Variants in STEAP1B observed in about 807,000 individuals in gnomAD.
The protein encoded by STEAP1B is STEAP family protein MGC87042.
In STEAP1B, 13 loss-of-function variants were observed where a neutral mutation model predicts 27.9. That is an observed-to-expected ratio of 0.47 (90% CI 0.30 to 0.74). The LOEUF (loss-of-function observed/expected upper bound fraction) is 0.74, where lower values mean the gene tolerates loss of function less well. STEAP1B is among the 30% of genes least tolerant of loss of function. The pLI, the probability that STEAP1B is intolerant of heterozygous loss-of-function variation, is 0.06. For synonymous variants in STEAP1B, 86 were observed against 107.1 expected (o/e 0.80, Z 1.22); for missense variants, 250 against 298.7 (o/e 0.84, Z 1.20).
At chr7:22,492,786 T>G (rs543812428) in intron 3 of STEAP1B, 57 bp from the exon 4 acceptor site, 2 of 1,547,738 alleles carry the variant, frequency 1.3e-6, no homozygotes, top group East Asian at 4.5e-5. Flanking sequence ...TTCCTGAATG[T>G]GAATCTCCTT....
At chr7:22,481,741 C>T (rs1388965811) in intron 4 of STEAP1B, among the ~76,000 whole-genome samples, 1 of 152,200 alleles carries the variant, frequency 6.6e-6, no homozygotes, top group Non-Finnish European at 1.5e-5. Context: ...ACTTAGAGGG[C>T]TATGCCATTG....
chr7:22,472,778 C>T (rs1352655216), intron 4 of STEAP1B, among the ~76,000 whole-genome samples: 1 of 152,144 alleles, frequency 6.6e-6, no homozygotes, highest in Non-Finnish European at 1.5e-5. Flanking sequence ...TCCCATCCTC[C>T]CCCTCCTTCC....
chr7:22,472,592 G>A (rs1051438890), intron 4 of STEAP1B, among the ~76,000 whole-genome samples: 1 of 152,124 alleles, frequency 6.6e-6, no homozygotes, highest in Non-Finnish European at 1.5e-5. Flanking sequence ...AAAATAAACC[G>A]TCCTTTCACA....
intron 4 of STEAP1B, among the ~76,000 whole-genome samples, chr7:22,485,700 C>T (rs2128415193): frequency 6.6e-6 from 1 of 152,300 alleles, no homozygotes; most frequent in East Asian, 1.9e-4. Flanking sequence ...AACAAACTAG[C>T]AATATGTCCA....
At chr7:22,451,544 G>T (rs1281698611) in intron 4 of STEAP1B, among the ~76,000 whole-genome samples, 1 of 152,090 alleles carries the variant, frequency 6.6e-6, no homozygotes, top group African/African-American at 2.4e-5. Context: ...CTGTCACGTG[G>T]CTTTTTTTAT....
intron 4 of STEAP1B, among the ~76,000 whole-genome samples, chr7:22,453,104 C>T (rs972738205): frequency 1.3e-5 from 2 of 152,176 alleles, no homozygotes; most frequent in African/African-American, 4.8e-5. Flanking sequence ...GTCAGGAAGA[C>T]ATTATTTTAA....
chr7:22,440,996 T>C (rs1001177897), intron 4 of STEAP1B, among the ~76,000 whole-genome samples: 4 of 150,428 alleles, frequency 2.7e-5, no homozygotes, highest in African/African-American at 7.3e-5. Flanking sequence ...ATTTAAATTG[T>C]ATATTTTAAT....
At chr7:22,494,180 A>C (rs1213037553) in intron 2 of STEAP1B, among the ~76,000 whole-genome samples, 5 of 148,024 alleles carry the variant, frequency 3.4e-5, no homozygotes, top group Non-Finnish European at 4.5e-5. Context: ...AATTTCTGCT[A>C]AAACTTCCAT....
rs754200180 is a variant in STEAP1B at position 22,493,434 on chromosome 7, G to T, written c.487C>A (p.Gln163Lys). 1.2e-5 allele frequency: 20 copies of T among 1,613,596 alleles called. No homozygotes were observed. In the East Asian group the frequency reaches 4.5e-4, roughly 36 times the overall value. ...WLDKWMLTRK[Q>K]FGLLSLFFAV... Reference sequence around the variant, plus strand: ...AAAAACAAACTGAGAAGCCCAAACTGCTTTCTTGTTAACATCCACTTATCC... The same window carrying T: ...AAAAACAAACTGAGAAGCCCAAACTTCTTTCTTGTTAACATCCACTTATCC... Residue 163 changes from glutamine to lysine, a missense_variant, in exon 3 of 5, where the codon CAG (glutamine) becomes AAG (lysine). Transcript: ENST00000678116.
intron 4 of STEAP1B, among the ~76,000 whole-genome samples, chr7:22,442,952 C>T (rs2128402473): frequency 6.6e-6 from 1 of 152,274 alleles, no homozygotes; most frequent in South Asian, 2.1e-4. Context: ...CCCCTACCCC[C>T]TTCCCTGGCA....
chr7:22,424,614 AT>A (rs1785083537), intron 4 of STEAP1B, among the ~76,000 whole-genome samples: 1 of 152,202 alleles, frequency 6.6e-6, no homozygotes, highest in African/African-American at 2.4e-5. Context: ...TACCTGAAAA[AT>A]ATCTACCACC....
At chr7:22,459,096 C>T (rs1224469983) in intron 4 of STEAP1B, among the ~76,000 whole-genome samples, 2 of 152,180 alleles carry the variant, frequency 1.3e-5, no homozygotes, top group African/African-American at 4.8e-5. Context: ...GCATGTCAGA[C>T]CCATGGAGGG....
At chr7:22,433,230 A>C (rs1312184032) in intron 4 of STEAP1B, among the ~76,000 whole-genome samples, 1 of 152,210 alleles carries the variant, frequency 6.6e-6, no homozygotes, top group East Asian at 1.9e-4. Flanking sequence ...TGGTAATTTG[A>C]CCAGACTTCT....
In STEAP1B at chr7:22,446,986, T is replaced by C. The variant is rs141143526; in HGVS notation, c.763-27150A>G. ...GAGATTCTTAATTTTTATAGGAATA[T>C]AGCTTAAGGGTTTGCTCTCCAGAGA... On this transcript the variant is annotated intron_variant, in intron 4 of 4. Coordinates refer to ENST00000678116, the MANE Select transcript of STEAP1B (RefSeq NM_001382447.1). Among the ~76,000 whole-genome samples the C allele has an allele frequency of 5.6e-3, 859 of 152,358 alleles. 7 individuals are homozygous for C. Among genetic ancestry groups the C allele is most frequent in the African/African-American group, 0.02 (824 of 41,586 alleles).
chr7:22,423,289 A>G (rs1785066029), intron 4 of STEAP1B, among the ~76,000 whole-genome samples: 2 of 152,216 alleles, frequency 1.3e-5, no homozygotes, highest in South Asian at 4.1e-4. Flanking sequence ...AGAAATAAAA[A>G]TATATGTCCA....
chr7:22,444,770 A>C (rs1386098209), intron 4 of STEAP1B, among the ~76,000 whole-genome samples: 1 of 152,116 alleles, frequency 6.6e-6, no homozygotes, highest in Non-Finnish European at 1.5e-5. Flanking sequence ...TCCCCTGGAG[A>C]TTTAATGATT....
At chr7:22,427,309 G>A (rs753142103) in intron 4 of STEAP1B, among the ~76,000 whole-genome samples, 2 of 152,222 alleles carry the variant, frequency 1.3e-5, no homozygotes, top group African/African-American at 4.8e-5. Context: ...AATGATTTAT[G>A]ACTGACACAA....
chr7:22,495,485 G>A (rs1786423553), intron 1 of STEAP1B: 1 of 139,050 alleles, frequency 7.2e-6, no homozygotes, highest in African/African-American at 2.6e-5. Context: ...TCAACCCTGT[G>A]GAAAAACAAC....
chr7:22,454,974 T>G (rs1785555984), intron 4 of STEAP1B, among the ~76,000 whole-genome samples: 1 of 151,674 alleles, frequency 6.6e-6, no homozygotes, highest in South Asian at 2.1e-4. Flanking sequence ...GTGATTCTTC[T>G]GCCTCAGCCT....
Sources: gnomAD v4.1 joint callset for allele counts (sites outside exome capture counted in the v4.1 genomes callset) on GRCh38, gnomAD v4.1.1 for gene constraint, MANE v1.5 for transcripts, NCBI Gene and HGNC (gene_info 2026-07-23, HGNC 2026-07-21) for gene names.